The following ZNF521 variants were observed in gnomAD, a reference collection of about 807,000 sequenced individuals.
The protein encoded by ZNF521 is LYST-interacting protein 3.
Under a neutral mutation model 105.5 loss-of-function variants are expected in ZNF521, and 14 were observed. The observed-to-expected ratio is 0.13, with a 90% CI of 0.09 to 0.21. The LOEUF is 0.21. ZNF521 is among the 10% of genes least tolerant of loss of function. ZNF521 has a pLI of 1.00. For synonymous variants in ZNF521, 635 were observed against 606.0 expected (o/e 1.05, Z -0.70); for missense variants, 1,233 against 1,629.7 (o/e 0.76, Z 4.19).
intron 4 of ZNF521, among the ~76,000 whole-genome samples, chr18:25,223,425 A>G (rs1426487173): frequency 1.3e-5 from 2 of 152,160 alleles, no homozygotes; most frequent in Non-Finnish European, 2.9e-5. Context: ...TGCAGAGACA[A>G]GATAAGGAAA....
chr18:25,272,357 T>A (rs978029953), intron 3 of ZNF521, among the ~76,000 whole-genome samples: 3 of 152,174 alleles, frequency 2.0e-5, no homozygotes, highest in South Asian at 2.1e-4. Flanking sequence ...AGTGTAGCGA[T>A]TCCTCAAGGA....
intron 7 of ZNF521, among the ~76,000 whole-genome samples, chr18:25,078,077 G>T (rs1196940307): frequency 6.6e-6 from 1 of 152,182 alleles, no homozygotes; most frequent in East Asian, 1.9e-4. Context: ...GCCAGTCTGC[G>T]GGAGATGGCT....
chr18:25,260,496 T>C (rs1469676282), intron 3 of ZNF521, among the ~76,000 whole-genome samples: 1 of 152,188 alleles, frequency 6.6e-6, no homozygotes, highest in Non-Finnish European at 1.5e-5. Flanking sequence ...CCTCAGCATC[T>C]TCATCTGGAA....
chr18:25,148,149 A>G (rs1468715593), intron 5 of ZNF521, among the ~76,000 whole-genome samples: 1 of 152,212 alleles, frequency 6.6e-6, no homozygotes, highest in African/African-American at 2.4e-5. Context: ...GGTGCTAAAT[A>G]TAAATGGGAA....
At chr18:25,289,735 T>G (rs1325003106) in intron 3 of ZNF521, among the ~76,000 whole-genome samples, 1 of 152,184 alleles carries the variant, frequency 6.6e-6, no homozygotes, top group African/African-American at 2.4e-5. Context: ...ATTGCCTAAT[T>G]AGGCTGTGAA....
chr18:25,226,325 A>G lies in ZNF521; in HGVS notation c.1593T>C (p.His531=). Residue 531 remains histidine, a synonymous_variant, in exon 4 of 8, where the codon CAT becomes CAC. Transcript: ENST00000361524. The surrounding 1 kb of genome is among the most constrained non-coding windows in gnomAD (Gnocchi z 4.1). The part of the protein sequence containing the change: ...GFLTDSSLEE[H]IRQVHCDLSG... The stretch of plus-strand genomic sequence containing the variant: ...TGAGGTCACAATGAACCTGTCTAAT[A>G]TGCTCTTCCAGGGAAGAGTCAGTGA... 1.9e-6 allele frequency: 3 copies of G among 1,614,164 alleles called. No individual in the cohort carries two copies. The highest frequency in any genetic ancestry group is 2.5e-6 in the Non-Finnish European group (3 of 1,180,014).
Position 25,167,044 on chromosome 18 carries a change from G to A in ZNF521, c.3658+28116C>T, listed in dbSNP as rs369795365. Among the ~76,000 whole-genome samples the A allele has an allele frequency of 3.9e-5, 6 of 152,224 alleles. No individual in the cohort carries two copies. In the East Asian group the frequency reaches 1.2e-3, roughly 29 times the overall value. On this transcript the variant is annotated intron_variant, in intron 5 of 7. Transcript: ENST00000361524. ...TTTCTGCTGATTCAGCCTTAGCCAA[G>A]CACACATTCCTAAGGCTTAAGAAAG... is the stretch of plus-strand genomic sequence containing the variant.
chr18:25,328,470 A>T (rs1913367752), intron 2 of ZNF521, among the ~76,000 whole-genome samples: 1 of 151,632 alleles, frequency 6.6e-6, no homozygotes, highest in Non-Finnish European at 1.5e-5. Context: ...CACACTTTGC[A>T]ACAAAAGTTT....
chr18:25,244,706 C>T (rs1432545255), intron 3 of ZNF521, among the ~76,000 whole-genome samples: 2 of 152,224 alleles, frequency 1.3e-5, no homozygotes, highest in Non-Finnish European at 2.9e-5. Flanking sequence ...AGGCAATCCC[C>T]TCTAAGAGGA....
chr18:25,274,575 C>A (rs139385896), intron 3 of ZNF521, among the ~76,000 whole-genome samples: 1 of 152,090 alleles, frequency 6.6e-6, no homozygotes, highest in South Asian at 2.1e-4. Flanking sequence ...AATCTACCAA[C>A]ACAACAAAAT....
chr18:25,184,418 T>C (rs1365854781), intron 5 of ZNF521, among the ~76,000 whole-genome samples: 2 of 152,186 alleles, frequency 1.3e-5, no homozygotes, highest in Admixed American at 1.3e-4. Context: ...ACTGTAACAA[T>C]GATTATCTGT....
chr18:25,114,475 G>T (rs1477592066), intron 5 of ZNF521, among the ~76,000 whole-genome samples: 6 of 152,100 alleles, frequency 3.9e-5, no homozygotes, highest in Admixed American at 1.3e-4. Context: ...TAGATTTCTG[G>T]TTTATAATAT....
intron 5 of ZNF521, among the ~76,000 whole-genome samples, chr18:25,150,891 CTTTTTTTT>C (rs559303954): frequency 1.5e-5 from 2 of 132,200 alleles, no homozygotes; most frequent in Non-Finnish European, 3.2e-5. Flanking sequence ...TTTCTTTTTT[CTTTTTTTT>C]TTTTTTTGAG....
At chr18:25,289,650 A>G (rs1164485249) in intron 3 of ZNF521, among the ~76,000 whole-genome samples, 1 of 152,140 alleles carries the variant, frequency 6.6e-6, no homozygotes, top group Non-Finnish European at 1.5e-5. Flanking sequence ...TAACCAACGC[A>G]TTCCCCACTT....
chr18:25,323,086 A>T (rs1165338810), intron 2 of ZNF521, among the ~76,000 whole-genome samples: 1 of 151,856 alleles, frequency 6.6e-6, no homozygotes, highest in African/African-American at 2.4e-5. Context: ...AAGAGGGAGG[A>T]AGAAAGGAAC....
chr18:25,123,141 AT>A lies in ZNF521; in HGVS notation c.3659-31061del, dbSNP rs1218497005. Among the ~76,000 whole-genome samples the A allele has an allele frequency of 2.4e-3, 358 of 151,752 alleles. 1 individual carries two copies. Among genetic ancestry groups the A allele is most frequent in the African/African-American group, 7.1e-3 (295 of 41,430 alleles). On this transcript the variant is annotated intron_variant, in intron 5 of 7. Transcript: ENST00000361524. Reference sequence around the variant, plus strand: ...AATTATCTGTACTTACAAATGACTCATTATATGAGTCATTTGTAAGTACAGA... The same window carrying A: ...AATTATCTGTACTTACAAATGACTCATATATGAGTCATTTGTAAGTACAGA...
intron 3 of ZNF521, among the ~76,000 whole-genome samples, chr18:25,236,089 G>C (rs1187579268): frequency 1.3e-5 from 2 of 152,184 alleles, no homozygotes; most frequent in African/African-American, 4.8e-5. Context: ...AGGTTGTCAG[G>C]CTGTTTTCAT....
chr18:25,177,333 G>A (rs922186153), intron 5 of ZNF521, among the ~76,000 whole-genome samples: 2 of 152,158 alleles, frequency 1.3e-5, no homozygotes, highest in African/African-American at 4.8e-5. Context: ...AAAGGAAGGT[G>A]TGGGAGGCAG....
At position 25,225,124 on chromosome 18, in the gene ZNF521, ACTT is replaced by A; in HGVS notation, c.2791_2793del (p.Lys931del). On this transcript the variant is annotated inframe_deletion, in exon 4 of 8. Transcript: ENST00000361524. The surrounding 1 kb of genome is among the most constrained non-coding windows in gnomAD (Gnocchi z 5.6). ...AAGAAGGTTCGAGAGCACACGTTGCACTTGTAATTCCCTTTAATGAGCTCAGCT... is the reference window on the plus strand; with the variant it reads ...AAGAAGGTTCGAGAGCACACGTTGCAGTAATTCCCTTTAATGAGCTCAGCT... 1 of 1,614,142 alleles carries A rather than the reference ACTT, an allele frequency of 6.2e-7. No individual in the cohort carries two copies. The highest frequency in any genetic ancestry group is 8.5e-7 in the Non-Finnish European group (1 of 1,180,018).
Sources: gnomAD v4.1 joint callset for allele counts (sites outside exome capture counted in the v4.1 genomes callset) on GRCh38, gnomAD v4.1.1 for gene constraint, Gnocchi (gnomAD v3.1) non-coding constraint, MANE v1.5 for transcripts, NCBI Gene and HGNC (gene_info 2026-07-23, HGNC 2026-07-21) for gene names.